DMRT1: variants seen among roughly 807,000 people sequenced by gnomAD.
DMRT1 encodes the protein doublesex- and mab-3-related transcription factor 1.
DMRT1 carries 7 observed loss-of-function variants against 32.3 expected under a neutral mutation model. That is an observed-to-expected ratio of 0.22 (90% confidence interval 0.12 to 0.41). The LOEUF (loss-of-function observed/expected upper bound fraction) is 0.41, where lower values mean the gene tolerates loss of function less well. Among genes scored for constraint, DMRT1 ranks in the 10% least tolerant of loss-of-function variants. The probability of loss-of-function intolerance (pLI) is 1.00; values close to 1 mark genes in which losing one functional copy is unlikely to be tolerated. For missense variants in DMRT1, 625 were observed against 500.5 expected (o/e 1.25, Z -2.37); for synonymous variants, 278 against 206.1 (o/e 1.35, Z -2.99).
chr9:950,847 G>A (rs953353930), intron 4 of DMRT1, among the ~76,000 whole-genome samples: 1 of 152,128 alleles, frequency 6.6e-6, no homozygotes, highest in African/African-American at 2.4e-5. Context: ...CTTGCTTTCT[G>A]TCTTTTTCTA....
Position 859,150 on chromosome 9 carries a change from T to C in DMRT1, c.538+12007T>C, listed in dbSNP as rs534846271. Among the ~76,000 whole-genome samples the C allele has an allele frequency of 2.6e-5, 4 of 152,270 alleles. No individual in the cohort carries two copies. In the East Asian group the frequency reaches 7.7e-4, roughly 29 times the overall value. On this transcript the variant is annotated intron_variant, in intron 2 of 4. Coordinates refer to ENST00000382276, the MANE Select transcript of DMRT1 (RefSeq NM_021951.3). ...ACTCACATGAGTTACGATGATTCCT[T>C]TGATCTCTGCCAGCATCCTTTCTTG...
chr9:944,532 A>G (rs1819180223), intron 4 of DMRT1, among the ~76,000 whole-genome samples: 1 of 152,194 alleles, frequency 6.6e-6, no homozygotes, highest in Non-Finnish European at 1.5e-5. Context: ...AGTCCTCCTG[A>G]TTGTTTGCAT....
At chr9:961,939 T>C (rs1328044013) in intron 4 of DMRT1, among the ~76,000 whole-genome samples, 4 of 152,194 alleles carry the variant, frequency 2.6e-5, no homozygotes, top group Admixed American at 2.6e-4. Context: ...GCTTAAACAA[T>C]GTCCCAGGTA....
At chr9:880,177 A>C (rs915033413) in intron 2 of DMRT1, among the ~76,000 whole-genome samples, 1 of 152,162 alleles carries the variant, frequency 6.6e-6, no homozygotes, top group Admixed American at 6.5e-5. Context: ...TGTTCCTTTA[A>C]GAAAAAGCAG....
chr9:902,360 C>A (rs1357404851), intron 3 of DMRT1, among the ~76,000 whole-genome samples: 2 of 151,636 alleles, frequency 1.3e-5, no homozygotes, highest in African/African-American at 4.8e-5. Context: ...TTTAAGACTG[C>A]TGCAGTACTC....
At chr9:923,665 G>C (rs1818426433) in intron 4 of DMRT1, among the ~76,000 whole-genome samples, 1 of 152,148 alleles carries the variant, frequency 6.6e-6, no homozygotes, top group South Asian at 2.1e-4. Context: ...TGGCACGAAG[G>C]AGAGTGGGGC....
intron 2 of DMRT1, among the ~76,000 whole-genome samples, chr9:882,329 T>C (rs1816764400): frequency 6.6e-6 from 1 of 152,228 alleles, no homozygotes; most frequent in Admixed American, 6.5e-5. Context: ...CCCTGTGCTC[T>C]ACCTGCTCTG....
chr9:852,907 A>G (rs537130667), intron 2 of DMRT1, among the ~76,000 whole-genome samples: 8 of 152,346 alleles, frequency 5.3e-5, no homozygotes, highest in African/African-American at 1.9e-4. Context: ...GAGAGCACAC[A>G]GTGAGAGAGC....
intron 2 of DMRT1, among the ~76,000 whole-genome samples, chr9:871,657 G>A (rs895857787): frequency 7.1e-6 from 1 of 140,960 alleles, no homozygotes; most frequent in Admixed American, 7.3e-5. Flanking sequence ...TGTATTTTTA[G>A]TAGAGACGGG....
intron 2 of DMRT1, among the ~76,000 whole-genome samples, chr9:873,659 G>T (rs1272703985): frequency 2.6e-5 from 4 of 152,102 alleles, no homozygotes; most frequent in African/African-American, 9.7e-5. Context: ...GCTAGGTCTT[G>T]TGAATGAGTG....
intron 4 of DMRT1, among the ~76,000 whole-genome samples, chr9:927,160 G>A (rs1052008420): frequency 4.3e-4 from 66 of 152,314 alleles, no homozygotes; most frequent in South Asian, 1.4e-3. Context: ...TCAGAGGCAC[G>A]GCCCAGGCCA....
At chr9:953,019 A>T (rs1340527106) in intron 4 of DMRT1, among the ~76,000 whole-genome samples, 1 of 152,232 alleles carries the variant, frequency 6.6e-6, no homozygotes, top group South Asian at 2.1e-4. Flanking sequence ...TGAAAGATAC[A>T]CATCTTTGAA....
chr9:894,368 G>T, intron 3 of DMRT1, 173 bp downstream of exon 3: 1 of 692,768 alleles, frequency 1.4e-6, no homozygotes, highest in Non-Finnish European at 2.6e-6. Flanking sequence ...ACACATGTAG[G>T]CACAATATGC....
chr9:925,522 C>T (rs893181297), intron 4 of DMRT1, among the ~76,000 whole-genome samples: 1 of 152,202 alleles, frequency 6.6e-6, no homozygotes, highest in African/African-American at 2.4e-5. Context: ...GGTGTGCAGG[C>T]AGAGCGCCGT....
At chr9:880,260 C>A (rs894817700) in intron 2 of DMRT1, among the ~76,000 whole-genome samples, 1 of 152,100 alleles carries the variant, frequency 6.6e-6, no homozygotes, top group East Asian at 1.9e-4. Flanking sequence ...GTGAGTCCTT[C>A]CCATTGAGTC....
intron 1 of DMRT1, among the ~76,000 whole-genome samples, chr9:845,001 C>T (rs1401234019): frequency 6.6e-6 from 1 of 151,854 alleles, no homozygotes; most frequent in African/African-American, 2.4e-5. Flanking sequence ...GGATTACAGG[C>T]GTGAGCCACT....
intron 4 of DMRT1, among the ~76,000 whole-genome samples, chr9:936,719 A>C (rs1213717862): frequency 6.8e-6 from 1 of 147,692 alleles, no homozygotes; most frequent in African/African-American, 2.6e-5. Flanking sequence ...ACACCATTGC[A>C]CTCCAGCCTG....
chr9:904,770 C>A (rs192832013), intron 3 of DMRT1, among the ~76,000 whole-genome samples: 3 of 152,124 alleles, frequency 2.0e-5, no homozygotes, highest in Non-Finnish European at 4.4e-5. Flanking sequence ...CATGGAGAAA[C>A]CCTGTCTCTA....
At chr9:945,634 A>G (rs1263070464) in intron 4 of DMRT1, among the ~76,000 whole-genome samples, 1 of 152,116 alleles carries the variant, frequency 6.6e-6, no homozygotes, top group African/African-American at 2.4e-5. Context: ...ATGTTTCTCA[A>G]TGTATAGTTA....
Sources: allele counts gnomAD v4.1 joint callset (sites outside exome capture counted in the v4.1 genomes callset), GRCh38; gene constraint gnomAD v4.1.1; transcripts MANE v1.5; gene names NCBI Gene and HGNC (gene_info 2026-07-23, HGNC 2026-07-21).